The following CEP162 variants were observed in gnomAD, a reference collection of about 807,000 sequenced individuals.
The protein encoded by CEP162 is centrosomal protein 162.
A neutral mutation model predicts 169.2 loss-of-function variants in CEP162; 141 were observed. That is an observed-to-expected ratio of 0.83 (90% CI 0.73 to 0.96). The LOEUF is 0.96. CEP162 is among the 40% of genes least tolerant of loss of function. The pLI, the probability that CEP162 is intolerant of heterozygous loss-of-function variation, is 0.00. For synonymous variants in CEP162, 540 were observed against 526.4 expected (o/e 1.03, Z -0.35); for missense variants, 1,600 against 1,587.2 (o/e 1.01, Z -0.14).
At chr6:84,138,921 A>G (rs1186455796) in intron 25 of CEP162, among the ~76,000 whole-genome samples, 2 of 152,218 alleles carry the variant, frequency 1.3e-5, no homozygotes, top group African/African-American at 4.8e-5. Context: ...ACAAGATTTT[A>G]AAAACTGACA....
intron 13 of CEP162, among the ~76,000 whole-genome samples, chr6:84,184,113 C>T (rs940975444): frequency 6.6e-6 from 1 of 152,124 alleles, no homozygotes; most frequent in Non-Finnish European, 1.5e-5. Context: ...TGCACATGAT[C>T]CCTTCTTCCA....
rs1338510912 is a variant in CEP162 at position 84,186,479 on chromosome 6, G to A, written c.1254C>T (p.Thr418=). The change falls in exon 12 of 27, where the codon ACC becomes ACT. Residue 418 remains threonine, a synonymous_variant. Transcript: ENST00000403245. ...AGCTGTTTTCCATACTCTCATTTGT[G>A]GTCTTTTGTAAAATCACATTCTCAT... ...KNDENVILQK[T]TNESMENSCP... 6.2e-7 allele frequency: 1 copy of A among 1,612,896 alleles called. No homozygotes were observed. Among genetic ancestry groups the A allele is most frequent in the African/African-American group, 1.3e-5 (1 of 74,788 alleles).
intron 9 of CEP162, among the ~76,000 whole-genome samples, chr6:84,199,790 C>T (rs921787219): frequency 2.0e-5 from 3 of 152,070 alleles, no homozygotes; most frequent in South Asian, 2.1e-4. Context: ...ACACATTGGA[C>T]GGCTGATGGT....
rs1193197878 is a variant in CEP162 at position 84,155,248 on chromosome 6, C to T, written c.2994+50G>A. ...AAAGTGAGATCCTAAGAAGTGCCTGCCCCCATTGTTCATCTCTGACCTTTA... is the reference window on the plus strand; with the variant it reads ...AAAGTGAGATCCTAAGAAGTGCCTGTCCCCATTGTTCATCTCTGACCTTTA... On this transcript the variant is annotated intron_variant, in intron 22 of 26. Coordinates refer to ENST00000403245, the MANE Select transcript of CEP162 (RefSeq NM_014895.4). 5.1e-6 allele frequency: 7 copies of T among 1,367,966 alleles called. No individual in the cohort carries two copies. In the African/African-American group the frequency reaches 1.0e-4, roughly 20 times the overall value. The allele number at this position is 1,367,966 out of a possible 1,614,324, so 84.7% of individuals were successfully genotyped here.
chr6:84,182,851 G>C (rs1021164466), intron 13 of CEP162, among the ~76,000 whole-genome samples: 1 of 152,140 alleles, frequency 6.6e-6, no homozygotes, highest in Non-Finnish European at 1.5e-5. Flanking sequence ...AGTTCCGGTA[G>C]TTGGGCTTTT....
At chr6:84,171,559 G>C in intron 17 of CEP162, 47 bp downstream of exon 17, 1 of 669,870 alleles carries the variant, frequency 1.5e-6, no homozygotes, top group South Asian at 3.1e-5. Flanking sequence ...GAAAATGCTT[G>C]AAATAGTCTA....
chr6:84,157,524 A>G lies in CEP162; in HGVS notation c.2782-2014T>C, dbSNP rs193099205. Among the ~76,000 whole-genome samples, 529 of 152,120 alleles carry G rather than the reference A, an allele frequency of 3.5e-3. 3 individuals carry two copies. The highest frequency in any genetic ancestry group is 0.017 in the Middle Eastern group (5 of 294). ...CCTGTCTCTACTAAAAAAATACAAA[A>G]ATTAGCCTGGTGTGGTGGTACACAC... On this transcript the variant is annotated intron_variant, in intron 21 of 26. Coordinates refer to ENST00000403245, the MANE Select transcript of CEP162 (RefSeq NM_014895.4).
At chr6:84,203,913 T>C in intron 7 of CEP162, 68 bp downstream of exon 7, 1 of 826,896 alleles carries the variant, frequency 1.2e-6, no homozygotes, top group Non-Finnish European at 1.9e-6. Context: ...GAGCTCTTCA[T>C]ATAGCAATAG....
chr6:84,129,761 G>A (rs1260792302), intron 25 of CEP162, among the ~76,000 whole-genome samples: 1 of 152,132 alleles, frequency 6.6e-6, no homozygotes, highest in Non-Finnish European at 1.5e-5. Flanking sequence ...ATTTTGGACT[G>A]AGATGATGGG....
rs374925505 is a variant in CEP162 at position 84,195,126 on chromosome 6, G to C, written c.836-51C>G. On this transcript the variant is annotated intron_variant, in intron 9 of 26. Transcript: ENST00000403245. ...AAATAATTACATCACAAATACATGA[G>C]AACGATAAAACACTAATATCATTCC... 2.9e-6 allele frequency: 4 copies of C among 1,356,922 alleles called. No homozygotes were observed. The African/African-American group carries it at 5.9e-5, about 20-fold the overall frequency. 84.1% of individuals were successfully genotyped at this position (1,356,922 alleles called of 1,614,324 possible). A position where few individuals can be genotyped will look rare whatever the true frequency, so the allele number is the denominator to read the frequency against.
rs1188544836 is a variant in CEP162 at position 84,149,546 on chromosome 6, C to T, written c.3771+16G>A. ...AGTTTATTCAAGTCAAAAGATAAAA[C>T]AGATTTGTCATCTACCTCTTGAGTT... On this transcript the variant is annotated intron_variant, in intron 24 of 26. Coordinates refer to ENST00000403245, the MANE Select transcript of CEP162 (RefSeq NM_014895.4). 6.4e-7 allele frequency: 1 copy of T among 1,555,920 alleles called. No homozygotes were observed. The highest frequency in any genetic ancestry group is 8.7e-7 in the Non-Finnish European group (1 of 1,153,092).
intron 9 of CEP162, among the ~76,000 whole-genome samples, chr6:84,197,591 T>C (rs1186724441): frequency 6.6e-6 from 1 of 151,980 alleles, no homozygotes; most frequent in Non-Finnish European, 1.5e-5. Flanking sequence ...AGCAGGTGGA[T>C]CACCTGAGGT....
intron 25 of CEP162, among the ~76,000 whole-genome samples, chr6:84,132,940 T>A (rs2099512222): frequency 6.6e-6 from 1 of 152,070 alleles, no homozygotes; most frequent in Non-Finnish European, 1.5e-5. Flanking sequence ...GGCACTCTGA[T>A]TTTTGGAATT....
chr6:84,151,504 A>T (rs2099521084), intron 23 of CEP162, among the ~76,000 whole-genome samples: 3 of 152,158 alleles, frequency 2.0e-5, no homozygotes. Context: ...CAAGAGAAGC[A>T]ATCCAATAAA....
Position 84,149,784 on chromosome 6 carries a change from G to T in CEP162, c.3630-81C>A. The T allele has an allele frequency of 1.6e-6, 2 of 1,216,784 alleles. 1 individual carries two copies. The highest frequency in any genetic ancestry group is 4.7e-5 in the South Asian group (2 of 42,374). 75.4% of individuals were successfully genotyped at this position (1,216,784 alleles called of 1,614,324 possible). ...CAGAGTTAGCACAAAAACAGTAGAA[G>T]AAACCTGGGAATTAAGCAAGGGGAA... On this transcript the variant is annotated intron_variant, in intron 23 of 26. Coordinates refer to ENST00000403245, the MANE Select transcript of CEP162 (RefSeq NM_014895.4).
intron 18 of CEP162, 30 bp from the exon 19 acceptor site, chr6:84,163,300 G>T (rs143441848): frequency 1.3e-6 from 2 of 1,522,710 alleles, no homozygotes; most frequent in Non-Finnish European, 1.8e-6. Flanking sequence ...ATAAAAGCAA[G>T]TTTTTTACAA....
At chr6:84,140,578 G>C (rs1161420586) in intron 25 of CEP162, among the ~76,000 whole-genome samples, 1 of 151,984 alleles carries the variant, frequency 6.6e-6, no homozygotes, top group Non-Finnish European at 1.5e-5. Context: ...CCCAGGCTGG[G>C]GTACAGTGGC....
intron 25 of CEP162, among the ~76,000 whole-genome samples, chr6:84,145,937 T>C (rs550363540): frequency 6.6e-6 from 1 of 152,286 alleles, no homozygotes; most frequent in East Asian, 1.9e-4. Flanking sequence ...TTTGTTTCCA[T>C]AGAAATGCCT....
Position 84,175,235 on chromosome 6 carries a change from A to G in CEP162, c.1776T>C (p.Asp592=). Residue 592 remains aspartate, a synonymous_variant, in exon 14 of 27, where the codon GAT becomes GAC. Coordinates refer to ENST00000403245, the MANE Select transcript of CEP162 (RefSeq NM_014895.4). ...CTACAGTCTGAAACTGAATACAGGA[A>G]TCAGTTTCTGTGGGATTTTCAGACT... is the stretch of plus-strand genomic sequence containing the variant. ...RKKSENPTET[D]SCIQFQTDSL... is the part of the protein sequence containing the mutation. The G allele has an allele frequency of 6.5e-7, 1 of 1,539,198 alleles. No homozygotes were observed.
Sources: gnomAD v4.1 joint callset for allele counts (sites outside exome capture counted in the v4.1 genomes callset) on GRCh38, gnomAD v4.1.1 for gene constraint, MANE v1.5 for transcripts, NCBI Gene and HGNC (gene_info 2026-07-23, HGNC 2026-07-21) for gene names.